Variants in CD1B observed in about 807,000 individuals in gnomAD.
The protein encoded by CD1B is T-cell surface glycoprotein CD1b.
In CD1B, 43 loss-of-function variants were observed where a neutral mutation model predicts 39.8. That is an observed-to-expected ratio of 1.08 (90% CI 0.85 to 1.39). CD1B has a LOEUF of 1.39. Among genes scored for constraint, CD1B ranks in the 40% most tolerant of loss-of-function variants. The pLI, the probability that CD1B is intolerant of heterozygous loss-of-function variation, is 0.00. For missense variants in CD1B, 495 were observed against 403.8 expected, an observed-to-expected ratio of 1.23 and a Z score of -1.94; for synonymous variants, 192 against 152.5, an observed-to-expected ratio of 1.26 and a Z score of -1.91.
In CD1B at chr1:158,330,979, A is replaced by G. The variant is rs1288146517; in HGVS notation, c.145T>C (p.Trp49Arg). ...CCATGAATCTGCAAATCATCCAACCAGCCTGAGCCTTGAGTTTGTGCCCAG... is the reference window on the plus strand; with the variant it reads ...CCATGAATCTGCAAATCATCCAACCGGCCTGAGCCTTGAGTTTGTGCCCAG... ...STWAQTQGSG[W>R]LDDLQIHGWD... is the part of the protein sequence containing the mutation. The change falls in exon 2 of 6, where the codon TGG becomes CGG. Residue 49 changes from tryptophan (W) to arginine (R), a missense_variant. Transcript: ENST00000368168. The G allele has an allele frequency of 6.2e-7, 1 of 1,614,124 alleles. No individual in the cohort carries two copies. Among genetic ancestry groups the G allele is most frequent in the South Asian group, 1.1e-5 (1 of 91,082 alleles).
At chr1:158,313,655 C>T in the CD1B span, among the ~76,000 whole-genome samples, 2 of 152,038 alleles carry the variant, frequency 1.3e-5, no homozygotes, top group South Asian at 2.1e-4. Context: ...GTTTTTATAT[C>T]GGGCTAATGA....
At chr1:158,313,499 C>A in the CD1B span, among the ~76,000 whole-genome samples, 1 of 151,964 alleles carries the variant, frequency 6.6e-6, no homozygotes, top group African/African-American at 2.4e-5. Flanking sequence ...TTTTTAGAGA[C>A]AAGGTTTCAT....
At chr1:158,288,624 C>T in the CD1B span, among the ~76,000 whole-genome samples, 1 of 152,232 alleles carries the variant, frequency 6.6e-6, no homozygotes, top group Non-Finnish European at 1.5e-5. Flanking sequence ...AACTCCTGGG[C>T]TCAAGTGATC....
chr1:158,304,778 C>G, the CD1B span, among the ~76,000 whole-genome samples: 1 of 152,160 alleles, frequency 6.6e-6, no homozygotes, highest in Non-Finnish European at 1.5e-5. Flanking sequence ...TTGCTGTTCA[C>G]CAATATCTGC....
intron 5 of CD1B, among the ~76,000 whole-genome samples, chr1:158,328,524 TA>T (rs1219306519): frequency 1.3e-5 from 2 of 152,162 alleles, no homozygotes; most frequent in African/African-American, 4.8e-5. Flanking sequence ...TCCACTTATA[TA>T]AGGTACCTAG....
the CD1B span, among the ~76,000 whole-genome samples, chr1:158,320,369 T>C: frequency 1.6e-4 from 25 of 152,180 alleles, no homozygotes; most frequent in Admixed American, 5.2e-4. Context: ...GGTGTGCCGT[T>C]TTTTAAGTCC....
At chr1:158,329,101 G>T in intron 4 of CD1B, 87 bp from the exon 5 acceptor site, 1 of 1,145,774 alleles carries the variant, frequency 8.7e-7, no homozygotes, top group Non-Finnish European at 1.3e-6. Flanking sequence ...TACTTCCAAT[G>T]TATGGTCATT....
chr1:158,309,466 C>T, the CD1B span, among the ~76,000 whole-genome samples: 2 of 152,152 alleles, frequency 1.3e-5, no homozygotes, highest in Non-Finnish European at 2.9e-5. Flanking sequence ...TTTGACCCAG[C>T]CATCCCATTA....
chr1:158,325,084 CTTGATTCCA>C (rs1652306612), downstream of CD1B, among the ~76,000 whole-genome samples: 3 of 151,898 alleles, frequency 2.0e-5, no homozygotes, highest in East Asian at 1.9e-4. Flanking sequence ...ATCTTATTAC[CTTGATTCCA>C]TCAAGGTAAT....
the CD1B span, among the ~76,000 whole-genome samples, chr1:158,320,387 A>G: frequency 6.6e-6 from 1 of 152,168 alleles, no homozygotes; most frequent in Non-Finnish European, 1.5e-5. Flanking sequence ...TCCGTTGGAA[A>G]AGCGCAGTAT....
At chr1:158,308,997 A>G in the CD1B span, among the ~76,000 whole-genome samples, 2 of 152,192 alleles carry the variant, frequency 1.3e-5, no homozygotes, top group African/African-American at 4.8e-5. Flanking sequence ...TAATTAAACT[A>G]AAGAGCTTCT....
chr1:158,305,984 A>G, the CD1B span, among the ~76,000 whole-genome samples: 1 of 152,226 alleles, frequency 6.6e-6, no homozygotes, highest in South Asian at 2.1e-4. Context: ...AACATGCCAA[A>G]TTGTAAAGAC....
chr1:158,288,122 G>T, the CD1B span, among the ~76,000 whole-genome samples: 1 of 152,194 alleles, frequency 6.6e-6, no homozygotes, highest in Non-Finnish European at 1.5e-5. Context: ...CCAAGTATTT[G>T]CCATTAACAG....
the CD1B span, among the ~76,000 whole-genome samples, chr1:158,297,893 G>A: frequency 2.0e-5 from 3 of 150,796 alleles, no homozygotes; most frequent in East Asian, 5.9e-4. Context: ...TTGTGATCAT[G>A]CCACTGCACT....
At chr1:158,308,837 G>T in the CD1B span, among the ~76,000 whole-genome samples, 2 of 152,098 alleles carry the variant, frequency 1.3e-5, no homozygotes, top group South Asian at 4.1e-4. Flanking sequence ...AATTCAAGAT[G>T]GATTAAAGAC....
At chr1:158,302,731 C>A in the CD1B span, among the ~76,000 whole-genome samples, 1 of 151,834 alleles carries the variant, frequency 6.6e-6, no homozygotes, top group East Asian at 1.9e-4. Flanking sequence ...AAAATTGAAC[C>A]AGGAAGAAAT....
chr1:158,299,391 T>C, the CD1B span, among the ~76,000 whole-genome samples: 425 of 152,352 alleles, frequency 2.8e-3, 3 homozygotes, highest in African/African-American at 9.4e-3. Flanking sequence ...GATAAGCTTT[T>C]TGATGTGCTG....
the CD1B span, among the ~76,000 whole-genome samples, chr1:158,308,890 C>T: frequency 6.6e-6 from 1 of 152,094 alleles, no homozygotes; most frequent in Non-Finnish European, 1.5e-5. Context: ...AGAAGAAAAC[C>T]TAGGCAATAC....
rs756501763 is a variant in CD1B at position 158,330,838 on chromosome 1, C to G, written c.286G>C (p.Ala96Pro). The G allele has an allele frequency of 8.7e-6, 14 of 1,613,920 alleles. No homozygotes were observed. The highest frequency in any genetic ancestry group is 1.2e-5 in the Non-Finnish European group (14 of 1,179,958). Reference protein sequence around the residue: ...EIFRVYIFGFAREVQDFAGDF... With the variant: ...EIFRVYIFGFPREVQDFAGDF... The stretch of plus-strand genomic sequence containing the variant: ...CCGGCAAAGTCTTGTACTTCTCGAG[C>G]GAATCCAAAGATGTAGACTCGGAAT... The change falls in exon 2 of 6, where the codon GCT (alanine) becomes CCT (proline). Residue 96 changes from alanine (A) to proline (P), a missense_variant. Transcript: ENST00000368168.
Sources: allele counts gnomAD v4.1 joint callset (sites outside exome capture counted in the v4.1 genomes callset), GRCh38; gene constraint gnomAD v4.1.1; transcripts MANE v1.5; gene names NCBI Gene and HGNC (gene_info 2026-07-23, HGNC 2026-07-21).